MACROH2A2: variants seen among roughly 807,000 people sequenced by gnomAD.
MACROH2A2 encodes the protein core histone macro-H2A.2.
Under a neutral mutation model 37.6 loss-of-function variants are expected in MACROH2A2, and 6 were observed. That is an observed-to-expected ratio of 0.16 (90% CI 0.09 to 0.32). The LOEUF (loss-of-function observed/expected upper bound fraction) is 0.32, where lower values mean the gene tolerates loss of function less well. Ranked by LOEUF, MACROH2A2 falls within the 10% of genes least tolerant of loss-of-function variation. The pLI is 1.00. For missense variants in MACROH2A2, 290 were observed against 485.9 expected, an observed-to-expected ratio of 0.60 and a Z score of 3.79; for synonymous variants, 192 against 202.7, an observed-to-expected ratio of 0.95 and a Z score of 0.45.
intron 2 of MACROH2A2, among the ~76,000 whole-genome samples, chr10:70,079,068 C>T (rs2072157394): frequency 6.6e-6 from 1 of 152,004 alleles, no homozygotes; most frequent in Admixed American, 6.5e-5. Flanking sequence ...GTGAGGAGGA[C>T]AAGAAGGAAA....
At chr10:70,104,366 A>G (rs1479928188) in intron 7 of MACROH2A2, among the ~76,000 whole-genome samples, 2 of 152,020 alleles carry the variant, frequency 1.3e-5, no homozygotes, top group South Asian at 2.1e-4. Flanking sequence ...AGAGAGGAAA[A>G]AAAAAAAAAA....
At chr10:70,058,989 G>C (rs2072034448) in intron 1 of MACROH2A2, among the ~76,000 whole-genome samples, 1 of 152,078 alleles carries the variant, frequency 6.6e-6, no homozygotes, top group South Asian at 2.1e-4. Context: ...TTGTTTTGGG[G>C]TGAAGAAAAG....
intron 1 of MACROH2A2, among the ~76,000 whole-genome samples, chr10:70,072,902 A>C (rs1482475956): frequency 6.6e-6 from 1 of 152,174 alleles, no homozygotes; most frequent in Non-Finnish European, 1.5e-5. Flanking sequence ...AGTTGCAATG[A>C]GCCGAGATTG....
At chr10:70,082,983 C>CTT (rs11287364) in intron 2 of MACROH2A2, among the ~76,000 whole-genome samples, 1 of 143,990 alleles carries the variant, frequency 6.9e-6, no homozygotes. Context: ...GTATGTTTTC[C>CTT]TTTTTTTTTT....
At chr10:70,063,219 C>T (rs1162176386) in intron 1 of MACROH2A2, among the ~76,000 whole-genome samples, 2 of 152,140 alleles carry the variant, frequency 1.3e-5, no homozygotes, top group Middle Eastern at 3.4e-3. Flanking sequence ...CTAAAGAAAC[C>T]GGACTATTTT....
At chr10:70,064,004 G>T (rs986596586) in intron 1 of MACROH2A2, among the ~76,000 whole-genome samples, 1 of 152,224 alleles carries the variant, frequency 6.6e-6, no homozygotes, top group East Asian at 1.9e-4. Context: ...TTTACTACTA[G>T]AAGAGTTTCC....
intron 2 of MACROH2A2, among the ~76,000 whole-genome samples, chr10:70,083,095 A>G (rs1467542341): frequency 6.6e-6 from 1 of 151,262 alleles, no homozygotes; most frequent in Non-Finnish European, 1.5e-5. Flanking sequence ...CAGGAGGGGG[A>G]GAGCTGGAAA....
rs1358853248 is a variant in MACROH2A2, at chr10:70,107,082, C to T, written c.779-1951C>T. Among the ~76,000 whole-genome samples the T allele has an allele frequency of 6.6e-6, 1 of 152,114 alleles. No homozygotes were observed. Among genetic ancestry groups the T allele is most frequent in the Non-Finnish European group, 1.5e-5 (1 of 68,032 alleles). The stretch of plus-strand genomic sequence containing the variant: ...CTTCTGGTGCACAAATATACGTGGT[C>T]GTAGAGTCAGCACGCATGGCGGGCC... On this transcript the variant is annotated intron_variant, in intron 7 of 8. Transcript: ENST00000373255. This position sits in a 1 kb window ranked among gnomAD's most constrained non-coding sequence, Gnocchi z 4.4.
intron 4 of MACROH2A2, among the ~76,000 whole-genome samples, chr10:70,093,432 C>A (rs1171636226): frequency 6.6e-6 from 1 of 152,196 alleles, no homozygotes; most frequent in Middle Eastern, 3.2e-3. Context: ...AGCTCCGATG[C>A]TTGTCGTCGT....
intron 2 of MACROH2A2, among the ~76,000 whole-genome samples, chr10:70,088,329 C>T (rs556295895): frequency 1.3e-5 from 2 of 152,322 alleles, no homozygotes; most frequent in South Asian, 2.1e-4. Flanking sequence ...GAGACAACAA[C>T]ACATTGGCAC....
intron 1 of MACROH2A2, among the ~76,000 whole-genome samples, chr10:70,064,976 A>G (rs1311113290): frequency 6.6e-6 from 1 of 152,178 alleles, no homozygotes; most frequent in African/African-American, 2.4e-5. Context: ...GAAGAATTCA[A>G]GAAAGCTCTT....
At chr10:70,068,887 T>C (rs961547173) in intron 1 of MACROH2A2, among the ~76,000 whole-genome samples, 3 of 152,200 alleles carry the variant, frequency 2.0e-5, no homozygotes, top group Non-Finnish European at 2.9e-5. Context: ...TTGGAAAATA[T>C]TGGAGGACAA....
At chr10:70,095,383 A>T (rs1009602018) in intron 5 of MACROH2A2, among the ~76,000 whole-genome samples, 1 of 151,628 alleles carries the variant, frequency 6.6e-6, no homozygotes, top group Non-Finnish European at 1.5e-5. Context: ...AAAAAAAAAA[A>T]AGAGAGGGGA....
chr10:70,077,366 G>A (rs1170543442), intron 2 of MACROH2A2, among the ~76,000 whole-genome samples: 4 of 151,906 alleles, frequency 2.6e-5, no homozygotes, highest in Admixed American at 2.0e-4. Context: ...TCAGGAGTTC[G>A]AGACCAGCCT....
chr10:70,078,982 T>C (rs1252270226), intron 2 of MACROH2A2, among the ~76,000 whole-genome samples: 3 of 152,134 alleles, frequency 2.0e-5, no homozygotes, highest in African/African-American at 7.2e-5. Context: ...ACTGAGTGCC[T>C]CATTTGAATC....
intron 3 of MACROH2A2, among the ~76,000 whole-genome samples, chr10:70,090,933 G>A: frequency 6.6e-6 from 1 of 152,200 alleles, no homozygotes; most frequent in East Asian, 1.9e-4. Context: ...GGGTAGTGTT[G>A]GTTTCGAATC....
intron 2 of MACROH2A2, among the ~76,000 whole-genome samples, chr10:70,085,450 G>A (rs2072205421): frequency 1.3e-5 from 2 of 152,134 alleles, no homozygotes; most frequent in South Asian, 4.1e-4. Flanking sequence ...GCCAAGCAGT[G>A]GGCAAGTGGA....
chr10:70,062,557 T>G (rs1236418469), intron 1 of MACROH2A2, among the ~76,000 whole-genome samples: 2 of 152,202 alleles, frequency 1.3e-5, no homozygotes, highest in Admixed American at 6.5e-5. Flanking sequence ...ATGAAAGCAT[T>G]TTGATTTGCA....
At chr10:70,101,233 C>T (rs1380826057) in intron 7 of MACROH2A2, among the ~76,000 whole-genome samples, 6 of 152,236 alleles carry the variant, frequency 3.9e-5, no homozygotes, top group African/African-American at 7.2e-5. Flanking sequence ...ATGTGGGGGT[C>T]GAAAGGGCAA....
Sources: allele counts gnomAD v4.1 joint callset (sites outside exome capture counted in the v4.1 genomes callset), GRCh38; gene constraint gnomAD v4.1.1; non-coding constraint Gnocchi (gnomAD v3.1); transcripts MANE v1.5; gene names NCBI Gene and HGNC (gene_info 2026-07-23, HGNC 2026-07-21).